The following RDX variants were observed in gnomAD, a reference collection of about 807,000 sequenced individuals.
RDX encodes the protein radixin, also known as deafness, autosomal recessive 24.
RDX carries 32 observed loss-of-function variants against 83.7 expected under a neutral mutation model. The observed-to-expected ratio is 0.38, with a 90% CI of 0.29 to 0.51. The LOEUF (loss-of-function observed/expected upper bound fraction) is 0.51. Ranked by LOEUF, RDX falls within the 20% of genes least tolerant of loss-of-function variation. The pLI, the probability that RDX is intolerant of heterozygous loss-of-function variation, is 0.87. For missense variants in RDX, 600 were observed against 689.9 expected, an observed-to-expected ratio of 0.87 and a Z score of 1.46; for synonymous variants, 229 against 222.7, an observed-to-expected ratio of 1.03 and a Z score of -0.25.
intron 14 of RDX, among the ~76,000 whole-genome samples, chr11:110,204,665 C>T (rs1252406948): frequency 2.6e-5 from 4 of 151,844 alleles, no homozygotes; most frequent in Admixed American, 6.6e-5. Context: ...TACAGGCACA[C>T]GCCACCATGC....
chr11:110,294,159 C>A (rs534652478), intron 1 of RDX, among the ~76,000 whole-genome samples: 8 of 152,338 alleles, frequency 5.3e-5, no homozygotes, highest in African/African-American at 1.7e-4. Flanking sequence ...TTTGGGAGGC[C>A]GAGGCGGGCA....
intron 10 of RDX, among the ~76,000 whole-genome samples, chr11:110,238,464 G>C (rs7103904): frequency 0.49 from 73,813 of 151,982 alleles, 18,905 homozygotes; most frequent in African/African-American, 0.66. Flanking sequence ...ATGCCACCTA[G>C]TAAGACAGTA....
At chr11:110,272,921 G>A (rs185608887) in intron 2 of RDX, 4 of 471,544 alleles carry the variant, frequency 8.5e-6, no homozygotes, top group South Asian at 4.7e-5. Flanking sequence ...CTAAGGACAC[G>A]TGGATATTAA....
At chr11:110,215,036 C>CAAAAAA (rs1195888196) in intron 14 of RDX, among the ~76,000 whole-genome samples, 2 of 125,774 alleles carry the variant, frequency 1.6e-5, no homozygotes, top group Non-Finnish European at 3.3e-5. Context: ...GGAGACCTAA[C>CAAAAAA]AAAAAAAAAA....
intron 9 of RDX, 108 bp downstream of exon 9, chr11:110,253,838 A>T (rs527635343): frequency 1.1e-6 from 1 of 910,248 alleles, no homozygotes; most frequent in South Asian, 1.5e-5. Context: ...TAATATAATG[A>T]AAATATTAAT....
intron 11 of RDX, chr11:110,236,775 T>G (rs1328956958): frequency 1.3e-5 from 2 of 153,602 alleles, no homozygotes; most frequent in Admixed American, 6.5e-5. Context: ...CGTGCACCAC[T>G]GTGCCTGGCT....
At chr11:110,217,500 A>C (rs1346925502) in intron 14 of RDX, among the ~76,000 whole-genome samples, 1 of 152,220 alleles carries the variant, frequency 6.6e-6, no homozygotes, top group Non-Finnish European at 1.5e-5. Flanking sequence ...TCCAGAACGT[A>C]CACAAAGTAC....
intron 10 of RDX, among the ~76,000 whole-genome samples, chr11:110,239,623 G>A (rs757022931): frequency 2.0e-5 from 3 of 152,056 alleles, no homozygotes; most frequent in Non-Finnish European, 4.4e-5. Flanking sequence ...AAACCACAAT[G>A]AGATATCATC....
At chr11:110,281,675 T>G (rs1206934562) in intron 1 of RDX, among the ~76,000 whole-genome samples, 1 of 151,758 alleles carries the variant, frequency 6.6e-6, no homozygotes, top group Non-Finnish European at 1.5e-5. Context: ...TATCATTTCC[T>G]AGCTTATTCC....
At chr11:110,175,618 T>G (rs574980485) in intron 15 of RDX, among the ~76,000 whole-genome samples, 1 of 151,916 alleles carries the variant, frequency 6.6e-6, no homozygotes, top group South Asian at 2.1e-4. Context: ...GCCCCTGGGG[T>G]GGGGGTGGGG....
intron 14 of RDX, among the ~76,000 whole-genome samples, chr11:110,212,388 C>A (rs1160768854): frequency 3.1e-5 from 3 of 98,078 alleles, no homozygotes; most frequent in Non-Finnish European, 6.0e-5. Flanking sequence ...GGATTCACAG[C>A]CGAATTCTAC....
chr11:110,187,542 TC>T, intron 15 of RDX, among the ~76,000 whole-genome samples: 1 of 152,314 alleles, frequency 6.6e-6, no homozygotes. Flanking sequence ...CCACTCACTC[TC>T]CTAGAGCAGG....
chr11:110,179,903 CTTTT>C (rs528601645), intron 15 of RDX: 177 of 363,518 alleles, frequency 4.9e-4, no homozygotes, highest in East Asian at 1.4e-3. Flanking sequence ...TTTCTTTTTT[CTTTT>C]TTTTTTTTTT....
intron 14 of RDX, among the ~76,000 whole-genome samples, chr11:110,211,866 C>T (rs1277172967): frequency 6.6e-6 from 1 of 150,600 alleles, no homozygotes; most frequent in South Asian, 2.1e-4. Context: ...GCACTAAATG[C>T]CCACAAGAGA....
At position 110,210,681 on chromosome 11, in the gene RDX, T is replaced by A. The variant is rs1388694777; in HGVS notation, c.1749-11003A>T. The stretch of plus-strand genomic sequence containing the variant: ...CAAGCCAGAAGAGAGTGGGGGCCAA[T>A]ATTCAACATTCTTAAAGAAAAGAAT... On this transcript the variant is annotated intron_variant, in intron 14 of 15. Transcript: ENST00000528498. Among the ~76,000 whole-genome samples, 11 of 151,348 alleles carry A rather than the reference T, an allele frequency of 7.3e-5. No individual in the cohort carries two copies. In the East Asian group the frequency reaches 2.2e-3, roughly 30 times the overall value.
At position 110,272,550 on chromosome 11, in the gene RDX, G is replaced by T; in HGVS notation, c.82C>A (p.Gln28Lys). The part of the protein sequence containing the change: ...FAIQPNTTGK[Q>K]LFDQVVKTVG... ...CAGTGTAATACCTGGTCAAAAAGTTGTTTGCCAGTTGTATTGGGCTGAATG... is the reference window on the plus strand; with the variant it reads ...CAGTGTAATACCTGGTCAAAAAGTTTTTTGCCAGTTGTATTGGGCTGAATG... The change falls in exon 3 of 14, where the codon CAA (glutamine) becomes AAA (lysine). Residue 28 changes from glutamine to lysine, a missense_variant. Coordinates refer to ENST00000645495, the MANE Select transcript of RDX (RefSeq NM_002906.4). 1.9e-6 allele frequency: 3 copies of T among 1,610,882 alleles called. No individual in the cohort carries two copies. Among genetic ancestry groups the T allele is most frequent in the Non-Finnish European group, 2.5e-6 (3 of 1,178,040 alleles).
chr11:110,201,194 A>G (rs980163289), intron 14 of RDX, among the ~76,000 whole-genome samples: 12 of 151,656 alleles, frequency 7.9e-5, no homozygotes, highest in African/African-American at 2.7e-4. Flanking sequence ...AAAAAAAAAA[A>G]AAAAGAAATG....
intron 9 of RDX, among the ~76,000 whole-genome samples, chr11:110,253,703 T>C (rs1859427380): frequency 6.6e-6 from 1 of 152,136 alleles, no homozygotes; most frequent in East Asian, 1.9e-4. Context: ...ACAATGTCTA[T>C]CAGTGAAAAG....
intron 1 of RDX, among the ~76,000 whole-genome samples, chr11:110,293,773 C>A (rs192385846): frequency 2.6e-5 from 4 of 152,116 alleles, no homozygotes; most frequent in Admixed American, 1.3e-4. Context: ...AGAAGTAACA[C>A]GAAATTATAT....
Sources: gnomAD v4.1 joint callset for allele counts (sites outside exome capture counted in the v4.1 genomes callset) on GRCh38, gnomAD v4.1.1 for gene constraint, MANE v1.5 for transcripts, NCBI Gene and HGNC (gene_info 2026-07-23, HGNC 2026-07-21) for gene names.